PRKD1: variants seen among roughly 807,000 people sequenced by gnomAD.
PRKD1 encodes the protein serine/threonine-protein kinase D1.
PRKD1 carries 63 observed loss-of-function variants against 95.9 expected under a neutral mutation model. The ratio of observed to expected loss-of-function variants is 0.66; its 90% CI spans 0.54 to 0.81. The LOEUF (loss-of-function observed/expected upper bound fraction) is 0.81, where lower values mean the gene tolerates loss of function less well. Among genes scored for constraint, PRKD1 ranks in the 30% least tolerant of loss-of-function variants. The pLI, the probability that PRKD1 is intolerant of heterozygous loss-of-function variation, is 0.00. For missense variants in PRKD1, 1,048 were observed against 1,165.3 expected (o/e 0.90, Z 1.47); for synonymous variants, 425 against 423.1 (o/e 1.00, Z -0.05).
chr14:29,866,052 A>C (rs1209303092), intron 1 of PRKD1, among the ~76,000 whole-genome samples: 1 of 152,214 alleles, frequency 6.6e-6, no homozygotes, highest in Admixed American at 6.5e-5. Context: ...CAAAATGAAC[A>C]AAAAGTACTG....
intron 1 of PRKD1, among the ~76,000 whole-genome samples, chr14:29,858,560 T>C (rs1039389147): frequency 2.0e-5 from 3 of 152,198 alleles, no homozygotes; most frequent in Non-Finnish European, 1.5e-5. Context: ...TAATGCCCTA[T>C]GGATCACTTC....
rs45489492 is a variant in PRKD1 at position 29,711,482 on chromosome 14, T to C, written c.403+14054A>G. On this transcript the variant is annotated intron_variant, in intron 2 of 17. Coordinates refer to ENST00000331968, the MANE Select transcript of PRKD1 (RefSeq NM_002742.3). ...ATGTTGTGGGGTTTCTTTTCCTTCA[T>C]TGGTGGTTAGAAACCACTACATGTA... Among the ~76,000 whole-genome samples the C allele has an allele frequency of 8.9e-3, 1,357 of 152,268 alleles. 18 individuals carry two copies. Among genetic ancestry groups the C allele is most frequent in the African/African-American group, 0.031 (1,304 of 41,562 alleles).
chr14:29,680,522 T>C (rs1217485508), intron 2 of PRKD1, among the ~76,000 whole-genome samples: 1 of 152,222 alleles, frequency 6.6e-6, no homozygotes, highest in Non-Finnish European at 1.5e-5. Flanking sequence ...TGACTCCGTT[T>C]GTTGTTTATC....
intron 2 of PRKD1, among the ~76,000 whole-genome samples, chr14:29,685,116 C>T (rs1883779708): frequency 6.6e-6 from 1 of 152,184 alleles, no homozygotes. Context: ...GGCTGCAGGG[C>T]CAATGTGGCT....
chr14:29,712,073 T>C (rs1026479943), intron 2 of PRKD1, among the ~76,000 whole-genome samples: 1 of 152,138 alleles, frequency 6.6e-6, no homozygotes, highest in African/African-American at 2.4e-5. Flanking sequence ...CAAGTATGTC[T>C]ACTCACTGTG....
At chr14:29,745,492 A>C (rs928820773) in intron 1 of PRKD1, among the ~76,000 whole-genome samples, 1 of 150,394 alleles carries the variant, frequency 6.6e-6, no homozygotes, top group Non-Finnish European at 1.5e-5. Context: ...TTTTTGAGAT[A>C]GAGTCTTGAT....
intron 16 of PRKD1, among the ~76,000 whole-genome samples, chr14:29,588,294 G>A (rs1226152939): frequency 1.3e-5 from 2 of 152,226 alleles, no homozygotes; most frequent in Middle Eastern, 3.4e-3. Flanking sequence ...TAAGTGTTTA[G>A]CGTTCTGGAA....
intron 3 of PRKD1, among the ~76,000 whole-genome samples, chr14:29,665,189 A>G (rs1369882749): frequency 6.6e-6 from 1 of 152,238 alleles, no homozygotes; most frequent in Non-Finnish European, 1.5e-5. Context: ...TGTAGAGGGC[A>G]CAACATAAGC....
chr14:29,812,705 G>GCC (rs981573280), intron 1 of PRKD1, among the ~76,000 whole-genome samples: 8 of 152,290 alleles, frequency 5.3e-5, no homozygotes, highest in African/African-American at 1.7e-4. Context: ...GGGGAAACTG[G>GCC]CCCCATGATC....
intron 1 of PRKD1, among the ~76,000 whole-genome samples, chr14:29,780,168 C>G (rs1315626552): frequency 2.6e-5 from 4 of 152,050 alleles, no homozygotes; most frequent in Non-Finnish European, 4.4e-5. Flanking sequence ...AATATTAGAC[C>G]TAAAACCATA....
At chr14:29,738,909 G>A (rs1320113422) in intron 1 of PRKD1, among the ~76,000 whole-genome samples, 1 of 150,912 alleles carries the variant, frequency 6.6e-6, no homozygotes, top group Non-Finnish European at 1.5e-5. Context: ...TTGGCTCAGT[G>A]CAACTTCCAC....
chr14:29,736,769 C>A (rs1033111376), intron 1 of PRKD1, among the ~76,000 whole-genome samples: 7 of 152,184 alleles, frequency 4.6e-5, no homozygotes, highest in African/African-American at 1.7e-4. Flanking sequence ...TATCATTTGG[C>A]ATTTTTGACC....
chr14:29,609,322 T>C (rs1045500829), intron 13 of PRKD1, among the ~76,000 whole-genome samples: 3 of 152,122 alleles, frequency 2.0e-5, no homozygotes, highest in Non-Finnish European at 4.4e-5. Context: ...GGAGTCAACC[T>C]TGAGGTGGCT....
At chr14:29,624,469 G>A (rs1335054693) in intron 12 of PRKD1, among the ~76,000 whole-genome samples, 7 of 151,906 alleles carry the variant, frequency 4.6e-5, no homozygotes, top group African/African-American at 1.5e-4. Context: ...AATTTAGAAC[G>A]CAAAAGAATT....
chr14:29,816,393 G>C (rs1315376936), intron 1 of PRKD1, among the ~76,000 whole-genome samples: 1 of 152,118 alleles, frequency 6.6e-6, no homozygotes, highest in Admixed American at 6.5e-5. Flanking sequence ...ACACATTCAG[G>C]AATGACAACA....
intron 1 of PRKD1, among the ~76,000 whole-genome samples, chr14:29,825,415 C>T (rs1238018711): frequency 6.6e-6 from 1 of 151,882 alleles, no homozygotes; most frequent in African/African-American, 2.4e-5. Flanking sequence ...TGTGTGTGTA[C>T]ATGTATGCAT....
intron 1 of PRKD1, among the ~76,000 whole-genome samples, chr14:29,736,980 C>T (rs549213155): frequency 6.6e-5 from 10 of 152,256 alleles, no homozygotes; most frequent in Admixed American, 2.0e-4. Flanking sequence ...TAATCCATGA[C>T]TCAGTCAAGT....
At chr14:29,827,855 A>G (rs913459957) in intron 1 of PRKD1, among the ~76,000 whole-genome samples, 1 of 152,044 alleles carries the variant, frequency 6.6e-6, no homozygotes, top group African/African-American at 2.4e-5. Flanking sequence ...TTTCTTTGAC[A>G]CTCACCTAAT....
chr14:29,869,855 T>C (rs1893041859), intron 1 of PRKD1, among the ~76,000 whole-genome samples: 1 of 152,208 alleles, frequency 6.6e-6, no homozygotes, highest in Non-Finnish European at 1.5e-5. Flanking sequence ...CTTTTTATTT[T>C]GGCCTACAAT....
Sources: allele counts gnomAD v4.1 joint callset (sites outside exome capture counted in the v4.1 genomes callset), GRCh38; gene constraint gnomAD v4.1.1; transcripts MANE v1.5; gene names NCBI Gene and HGNC (gene_info 2026-07-23, HGNC 2026-07-21).